Variants in SMOC2 observed in about 807,000 individuals in gnomAD.
The protein encoded by SMOC2 is SPARC related modular calcium binding 2, also known as SPARC-related modular calcium-binding protein 2.
Under a neutral mutation model 61.4 loss-of-function variants are expected in SMOC2, and 39 were observed. The ratio of observed to expected loss-of-function variants is 0.64; its 90% confidence interval spans 0.49 to 0.83. SMOC2 has a LOEUF of 0.83. SMOC2 is among the 40% of genes least tolerant of loss of function. The pLI, the probability that SMOC2 is intolerant of heterozygous loss-of-function variation, is 0.00. For missense variants in SMOC2, 556 were observed against 592.9 expected (o/e 0.94, Z 0.65); for synonymous variants, 247 against 239.9 (o/e 1.03, Z -0.27).
chr6:168,584,400 T>C (rs775301040), intron 7 of SMOC2, among the ~76,000 whole-genome samples: 56 of 152,214 alleles, frequency 3.7e-4, no homozygotes, highest in Non-Finnish European at 7.5e-4. Context: ...CAAGTGTTCT[T>C]ATAAACAAAA....
intron 4 of SMOC2, among the ~76,000 whole-genome samples, chr6:168,542,249 G>A (rs534748333): frequency 6.6e-6 from 1 of 152,252 alleles, no homozygotes; most frequent in Admixed American, 6.5e-5. Flanking sequence ...GAGAGCTTCA[G>A]GAGGTGGCCA....
chr6:168,578,441 A>G (rs1037936219), intron 7 of SMOC2, among the ~76,000 whole-genome samples: 2 of 152,224 alleles, frequency 1.3e-5, no homozygotes, highest in South Asian at 2.1e-4. Flanking sequence ...GGGGGCAGAC[A>G]GTCTCTGTCC....
At chr6:168,534,469 G>A (rs1046823492) in intron 4 of SMOC2, among the ~76,000 whole-genome samples, 3 of 152,238 alleles carry the variant, frequency 2.0e-5, no homozygotes, top group Admixed American at 2.0e-4. Flanking sequence ...GTTCCCCTGC[G>A]TCCCGCCCTG....
At chr6:168,558,889 GTGTGCA>G (rs1784318743) in intron 7 of SMOC2, among the ~76,000 whole-genome samples, 1 of 151,334 alleles carries the variant, frequency 6.6e-6, no homozygotes, top group African/African-American at 2.4e-5. Flanking sequence ...GCGTGTGTGC[GTGTGCA>G]TGTGTGTGCA....
intron 4 of SMOC2, 88 bp from the exon 5 acceptor site, chr6:168,543,537 G>A: frequency 8.3e-7 from 1 of 1,211,726 alleles, no homozygotes; most frequent in Non-Finnish European, 1.2e-6. Context: ...TAGTCAAAAT[G>A]GAGCAAAAAT....
At chr6:168,577,385 G>A (rs1386640485) in intron 7 of SMOC2, among the ~76,000 whole-genome samples, 5 of 152,156 alleles carry the variant, frequency 3.3e-5, no homozygotes, top group Non-Finnish European at 7.3e-5. Flanking sequence ...TTTAGTCTCT[G>A]TAAGACTCTG....
At chr6:168,474,869 A>G (rs1023160268) in intron 1 of SMOC2, among the ~76,000 whole-genome samples, 1 of 152,184 alleles carries the variant, frequency 6.6e-6, no homozygotes, top group African/African-American at 2.4e-5. Context: ...CTGAAGTGCC[A>G]TAAAGAGGTT....
intron 7 of SMOC2, among the ~76,000 whole-genome samples, chr6:168,589,331 G>A (rs867546370): frequency 5.3e-5 from 8 of 152,240 alleles, no homozygotes; most frequent in Admixed American, 3.3e-4. Flanking sequence ...GCAGCATAGT[G>A]TTCCCAGAGC....
intron 11 of SMOC2, among the ~76,000 whole-genome samples, chr6:168,660,748 A>G (rs978467619): frequency 6.6e-6 from 1 of 152,168 alleles, no homozygotes; most frequent in Non-Finnish European, 1.5e-5. Context: ...TCAGCCTCCC[A>G]CCTTCCAAAG....
At chr6:168,599,318 CTGTTT>C (rs1785439706) in intron 8 of SMOC2, among the ~76,000 whole-genome samples, 1 of 138,206 alleles carries the variant, frequency 7.2e-6, no homozygotes, top group Non-Finnish European at 1.5e-5. Context: ...CACCCCCACA[CTGTTT>C]CACACACACT....
chr6:168,540,138 T>A (rs948689429), intron 4 of SMOC2, among the ~76,000 whole-genome samples: 1 of 152,214 alleles, frequency 6.6e-6, no homozygotes, highest in Non-Finnish European at 1.5e-5. Flanking sequence ...CAAATTGGAC[T>A]AAAGTGTGTA....
At chr6:168,577,897 C>G (rs1462005472) in intron 7 of SMOC2, among the ~76,000 whole-genome samples, 1 of 152,142 alleles carries the variant, frequency 6.6e-6, no homozygotes, top group Non-Finnish European at 1.5e-5. Context: ...ACAACTGATC[C>G]CACTGAATCC....
At chr6:168,462,317 C>T (rs1391999865) in intron 1 of SMOC2, among the ~76,000 whole-genome samples, 3 of 152,280 alleles carry the variant, frequency 2.0e-5, no homozygotes, top group Admixed American at 1.3e-4. Flanking sequence ...GGAAGTTTGA[C>T]TTTTGCAATG....
chr6:168,504,323 A>AT (rs1491118820), intron 1 of SMOC2, among the ~76,000 whole-genome samples: 3 of 150,812 alleles, frequency 2.0e-5, no homozygotes, highest in African/African-American at 7.3e-5. Flanking sequence ...ATATAATGAG[A>AT]TAATGTGCAA....
intron 9 of SMOC2, among the ~76,000 whole-genome samples, chr6:168,633,810 T>C (rs1399851704): frequency 6.6e-6 from 1 of 152,174 alleles, no homozygotes; most frequent in Non-Finnish European, 1.5e-5. Context: ...TTTGGCTGTG[T>C]CCCCACCCAA....
At chr6:168,471,210 C>T (rs1418792764) in intron 1 of SMOC2, among the ~76,000 whole-genome samples, 3 of 152,120 alleles carry the variant, frequency 2.0e-5, no homozygotes, top group East Asian at 1.9e-4. Context: ...AAACTTGACC[C>T]GTTTATCTCA....
At position 168,535,709 on chromosome 6, in the gene SMOC2, A is replaced by G. The variant is rs190912287; in HGVS notation, c.464-7916A>G. Among the ~76,000 whole-genome samples, 49 of 152,352 alleles carry G rather than the reference A, an allele frequency of 3.2e-4. No individual in the cohort carries two copies. The highest frequency in any genetic ancestry group is 2.1e-3 in the Admixed American group (32 of 15,300). ...TGGATTGCATTTGGTTTCTTCATCC[A>G]CAGAAACACCGAAGTGGCAAAACTG... On this transcript the variant is annotated intron_variant, in intron 4 of 12. Coordinates refer to ENST00000356284, the MANE Select transcript of SMOC2 (RefSeq NM_001166412.2). The surrounding 1 kb of genome is among the most constrained non-coding windows in gnomAD (Gnocchi z 4.6).
At chr6:168,474,535 G>A (rs78408495) in intron 1 of SMOC2, among the ~76,000 whole-genome samples, 3,219 of 152,208 alleles carry the variant, frequency 0.021, 112 homozygotes, top group African/African-American at 0.072. Context: ...CAAGCTCTCT[G>A]TCAGTAATGC....
chr6:168,572,828 G>A (rs1784697111), intron 7 of SMOC2, among the ~76,000 whole-genome samples: 3 of 68,340 alleles, frequency 4.4e-5, no homozygotes, highest in Admixed American at 3.8e-4. Flanking sequence ...GACCAGGGCT[G>A]CGTGCTCCCT....
Sources: gnomAD v4.1 joint callset for allele counts (sites outside exome capture counted in the v4.1 genomes callset) on GRCh38, gnomAD v4.1.1 for gene constraint, Gnocchi (gnomAD v3.1) non-coding constraint, MANE v1.5 for transcripts, NCBI Gene and HGNC (gene_info 2026-07-23, HGNC 2026-07-21) for gene names.